EYS: variants seen among roughly 807,000 people sequenced by gnomAD.
EYS encodes the protein EGF-like photoreceptor maintenance factor, also known as protein eyes shut homolog.
A neutral mutation model predicts 282.1 loss-of-function variants in EYS; 250 were observed. The observed-to-expected ratio is 0.89, with a 90% CI of 0.80 to 0.98. EYS has a LOEUF of 0.98. EYS is among the 50% of genes least tolerant of loss of function. The pLI is 0.00. For synonymous variants in EYS, 1,355 were observed against 1,282.9 expected (o/e 1.06, Z -1.20); for missense variants, 4,016 against 3,709.0 (o/e 1.08, Z -2.15).
chr6:65,513,472 G>A (rs144956526), intron 2 of EYS, among the ~76,000 whole-genome samples: 14,101 of 152,062 alleles, frequency 0.093, 839 homozygotes, highest in South Asian at 0.18. Flanking sequence ...CCAAAGCTGG[G>A]CAGAGACACA....
intron 40 of EYS, among the ~76,000 whole-genome samples, chr6:63,774,038 T>C (rs1293746894): frequency 1.3e-5 from 2 of 152,218 alleles, no homozygotes; most frequent in African/African-American, 2.4e-5. Context: ...ATAAGCCTCA[T>C]TTATGAACTT....
At chr6:65,619,676 T>C (rs1186851103) in intron 2 of EYS, among the ~76,000 whole-genome samples, 1 of 151,348 alleles carries the variant, frequency 6.6e-6, no homozygotes, top group African/African-American at 2.4e-5. Flanking sequence ...TTCAGTATGA[T>C]ATTGGCTGTG....
At chr6:65,179,322 A>G (rs1353883080) in intron 12 of EYS, among the ~76,000 whole-genome samples, 1 of 152,090 alleles carries the variant, frequency 6.6e-6, no homozygotes, top group Non-Finnish European at 1.5e-5. Flanking sequence ...CTCTAGCAAG[A>G]CTAATAAAGA....
chr6:65,305,429 G>C (rs971903336), intron 11 of EYS, among the ~76,000 whole-genome samples: 1 of 152,192 alleles, frequency 6.6e-6, no homozygotes, highest in Non-Finnish European at 1.5e-5. Flanking sequence ...TACCCACTCA[G>C]TCTGTGTTAG....
chr6:64,089,118 G>A (rs2150250313), intron 31 of EYS, among the ~76,000 whole-genome samples: 1 of 151,906 alleles, frequency 6.6e-6, no homozygotes, highest in African/African-American at 2.4e-5. Context: ...CAAACTCTGT[G>A]ACGAAGTTTA....
intron 35 of EYS, among the ~76,000 whole-genome samples, chr6:63,941,571 ATTC>A (rs1302426874): frequency 6.6e-6 from 1 of 152,152 alleles, no homozygotes; most frequent in Non-Finnish European, 1.5e-5. Context: ...TTCTTTGTAG[ATTC>A]TGGATATTAG....
chr6:65,263,755 T>TA (rs34207133), intron 12 of EYS, among the ~76,000 whole-genome samples: 3,851 of 142,752 alleles, frequency 0.027, 166 homozygotes, highest in African/African-American at 0.098. Context: ...TAAAATTAAA[T>TA]AAAAAACAAT....
chr6:64,502,176 A>T (rs987349674), intron 26 of EYS, among the ~76,000 whole-genome samples: 2 of 152,170 alleles, frequency 1.3e-5, no homozygotes, highest in African/African-American at 4.8e-5. Context: ...AAAGAGTGAC[A>T]AGACTAAAGG....
At chr6:65,484,454 T>C (rs1765716799) in intron 5 of EYS, among the ~76,000 whole-genome samples, 2 of 152,206 alleles carry the variant, frequency 1.3e-5, no homozygotes, top group African/African-American at 4.8e-5. Context: ...GAGGATAATA[T>C]GGTAATATAA....
intron 22 of EYS, among the ~76,000 whole-genome samples, chr6:64,745,569 G>A (rs192020800): frequency 1.7e-3 from 266 of 152,040 alleles, no homozygotes; most frequent in Non-Finnish European, 3.3e-3. Context: ...TTACTTAAGC[G>A]ACAATATTTT....
intron 35 of EYS, among the ~76,000 whole-genome samples, chr6:63,983,271 A>C (rs1012036276): frequency 6.6e-6 from 1 of 151,766 alleles, no homozygotes; most frequent in Non-Finnish European, 1.5e-5. Context: ...GTGAATCAGA[A>C]GCCAAATTTC....
chr6:64,571,052 G>C (rs528832303), intron 26 of EYS, among the ~76,000 whole-genome samples: 1 of 152,144 alleles, frequency 6.6e-6, no homozygotes, highest in South Asian at 2.1e-4. Context: ...TCAGCAAGTG[G>C]AAAACAACGA....
intron 1 of EYS, among the ~76,000 whole-genome samples, chr6:65,706,842 A>T (rs1157361289): frequency 6.6e-6 from 1 of 152,172 alleles, no homozygotes. Context: ...TGACTAAATA[A>T]AGATTCTCTA....
chr6:64,316,844 T>A (rs1769987302), intron 29 of EYS, among the ~76,000 whole-genome samples: 1 of 152,150 alleles, frequency 6.6e-6, no homozygotes, highest in South Asian at 2.1e-4. Context: ...ACAAACAGCA[T>A]GGTACTGGTC....
At chr6:64,363,700 A>C (rs775050141) in intron 29 of EYS, among the ~76,000 whole-genome samples, 1 of 151,920 alleles carries the variant, frequency 6.6e-6, no homozygotes, top group Non-Finnish European at 1.5e-5. Flanking sequence ...AATCTACCAA[A>C]TAGTGTGTCA....
intron 33 of EYS, among the ~76,000 whole-genome samples, chr6:64,034,558 C>CA (rs1311097693): frequency 6.6e-6 from 1 of 152,092 alleles, no homozygotes; most frequent in Non-Finnish European, 1.5e-5. Flanking sequence ...TGGAGAGACT[C>CA]AAAAAATAAC....
At chr6:63,999,046 T>C (rs1767961778) in intron 34 of EYS, 29 bp downstream of exon 34, 1 of 1,316,334 alleles carries the variant, frequency 7.6e-7, no homozygotes, top group Admixed American at 2.0e-5. Context: ...GCACAATTAG[T>C]GTTTGGAACT....
intron 21 of EYS, among the ~76,000 whole-genome samples, chr6:64,818,197 A>G (rs1056072198): frequency 6.6e-6 from 1 of 152,112 alleles, no homozygotes; most frequent in African/African-American, 2.4e-5. Flanking sequence ...TCTGCTTTCT[A>G]TGCTGCCCTA....
In EYS at chr6:64,439,347, T is replaced by A. The variant is rs546975703; in HGVS notation, c.5650A>T (p.Ser1884Cys). The A allele has an allele frequency of 6.7e-7, 1 of 1,492,446 alleles. No individual in the cohort carries two copies. Among genetic ancestry groups the A allele is most frequent in the Non-Finnish European group, 8.9e-7 (1 of 1,125,776 alleles). The allele number at this position is 1,492,446 out of a possible 1,614,324, so 92.5% of individuals were successfully genotyped here. The change falls in exon 27 of 43, where the codon AGT (serine) becomes TGT (cysteine). Residue 1884 changes from serine (S) to cysteine (C), a missense_variant. Physicochemically the swap from Ser to Cys is moderately radical, Grantham distance 112 (BLOSUM62 -1). Coordinates refer to ENST00000503581, the MANE Select transcript of EYS (RefSeq NM_001142800.2). The part of the protein sequence containing the change: ...APQRLMISDF[S>C]CVRYYGDSYL... ...GAATCTCCATAATAACGAACACAAC[T>A]GAAATCTGTGGAGTCAGAAAGAAAA... is the stretch of plus-strand genomic sequence containing the variant.
Sources: allele counts gnomAD v4.1 joint callset (sites outside exome capture counted in the v4.1 genomes callset), GRCh38; gene constraint gnomAD v4.1.1; transcripts MANE v1.5; gene names NCBI Gene and HGNC (gene_info 2026-07-23, HGNC 2026-07-21).